The following ENPEP variants were observed in gnomAD, a reference collection of about 807,000 sequenced individuals.
ENPEP encodes AP-A.
ENPEP carries 103 observed loss-of-function variants against 114.5 expected under a neutral mutation model. The ratio of observed to expected loss-of-function variants is 0.90; its 90% CI spans 0.77 to 1.06. The LOEUF (loss-of-function observed/expected upper bound fraction) is 1.06. Among genes scored for constraint, ENPEP ranks in the 50% least tolerant of loss-of-function variants. The pLI is 0.00. For synonymous variants in ENPEP, 420 were observed against 422.0 expected (o/e 1.00, Z 0.06); for missense variants, 1,196 against 1,161.3 (o/e 1.03, Z -0.43).
intron 19 of ENPEP, among the ~76,000 whole-genome samples, chr4:110,559,951 A>G (rs1009455460): frequency 6.7e-6 from 1 of 150,040 alleles, no homozygotes; most frequent in African/African-American, 2.5e-5. Context: ...CTTTCTCCCC[A>G]CCCCCTGACA....
chr4:110,548,139 GTTTTTTTTTTTT>G lies in ENPEP; in HGVS notation c.2001-23_2001-12del, dbSNP rs3042468. On this transcript the variant is annotated intron_variant, in intron 13 of 19. Transcript: ENST00000265162. Reference sequence around the variant, plus strand: ...GTCTGTGGTTTTTAATTAACTGTGAGTTTTTTTTTTTTTTTTTTTTTTTTTGTCTTTCTCAGA... The same window carrying G: ...GTCTGTGGTTTTTAATTAACTGTGAGTTTTTTTTTTTTTGTCTTTCTCAGA... 540 of 692,078 alleles carry G rather than the reference GTTTTTTTTTTTT, an allele frequency of 7.8e-4. 2 individuals carry two copies. Among genetic ancestry groups the G allele is most frequent in the African/African-American group, 1.5e-3 (60 of 41,150 alleles). The allele number at this position is 692,078 out of a possible 1,614,324, so 42.9% of individuals were successfully genotyped here.
In ENPEP at chr4:110,520,334, A is replaced by G. The variant is rs772660336; in HGVS notation, c.1695A>G (p.Arg565=). Residue 565 remains arginine (R), a synonymous_variant, in exon 10 of 20, where the codon AGA becomes AGG. Transcript: ENST00000265162. ...AGAAACGCTTTTTGTTGGACCCAAG[A>G]GCTAACCCTTCTCAGCCCCCTTCAG... The part of the protein sequence containing the change: ...ITQKRFLLDP[R]ANPSQPPSDL... 8.7e-6 allele frequency: 14 copies of G among 1,614,108 alleles called. No homozygotes were observed. The South Asian group carries it at 1.2e-4, about 14-fold the overall frequency.
intron 1 of ENPEP, among the ~76,000 whole-genome samples, chr4:110,488,269 G>T (rs770954283): frequency 6.6e-6 from 1 of 152,172 alleles, no homozygotes; most frequent in Non-Finnish European, 1.5e-5. Context: ...TAGCTGTTAG[G>T]TTGATGCAAA....
At chr4:110,533,292 A>G (rs1726474387) in intron 11 of ENPEP, 1 of 238,360 alleles carries the variant, frequency 4.2e-6, no homozygotes, top group African/African-American at 2.2e-5. Context: ...ACATTGTTCT[A>G]ATATGTGTTA....
At chr4:110,559,834 G>A in intron 19 of ENPEP, 109 bp downstream of exon 19, 2 of 837,212 alleles carry the variant, frequency 2.4e-6, no homozygotes, top group Non-Finnish European at 3.9e-6. Context: ...GTGCAGGTTT[G>A]TTACGTAGGT....
At chr4:110,489,937 A>T (rs1724641115) in intron 2 of ENPEP, among the ~76,000 whole-genome samples, 1 of 152,236 alleles carries the variant, frequency 6.6e-6, no homozygotes, top group South Asian at 2.1e-4. Context: ...ACTTAAGAGG[A>T]TTAAAATATA....
chr4:110,522,735 C>A (rs932809526), intron 10 of ENPEP, among the ~76,000 whole-genome samples: 1 of 152,142 alleles, frequency 6.6e-6, no homozygotes, highest in Admixed American at 6.5e-5. Context: ...TTCCAAAACA[C>A]TGAAGCAAAA....
chr4:110,522,667 G>C (rs1202545980), intron 10 of ENPEP, among the ~76,000 whole-genome samples: 1 of 152,186 alleles, frequency 6.6e-6, no homozygotes, highest in Non-Finnish European at 1.5e-5. Context: ...ACATAAGTTA[G>C]TGTGGCATTA....
intron 11 of ENPEP, among the ~76,000 whole-genome samples, chr4:110,542,462 A>G (rs1726885176): frequency 6.6e-6 from 1 of 152,116 alleles, no homozygotes; most frequent in Admixed American, 6.6e-5. Context: ...GACCAGCACG[A>G]AATTATTTCG....
intron 3 of ENPEP, chr4:110,500,005 C>T (rs1725092619): frequency 6.6e-6 from 1 of 152,070 alleles, no homozygotes; most frequent in South Asian, 2.1e-4. Context: ...TATCGCTGAG[C>T]TTTGTGCTTG....
At chr4:110,491,592 AT>A (rs1724724014) in intron 3 of ENPEP, among the ~76,000 whole-genome samples, 1 of 152,230 alleles carries the variant, frequency 6.6e-6, no homozygotes, top group Admixed American at 6.5e-5. Context: ...TTATGGCTCC[AT>A]TCCTATATGT....
chr4:110,539,703 T>A (rs1726780037), intron 11 of ENPEP, among the ~76,000 whole-genome samples: 1 of 152,122 alleles, frequency 6.6e-6, no homozygotes, highest in South Asian at 2.1e-4. Flanking sequence ...GCTCTTTTAC[T>A]ATCAAATGAT....
intron 1 of ENPEP, among the ~76,000 whole-genome samples, chr4:110,485,663 T>A (rs192667187): frequency 6.6e-6 from 1 of 152,242 alleles, no homozygotes; most frequent in Non-Finnish European, 1.5e-5. Flanking sequence ...CTTAGTGTCA[T>A]GCCCTTTTAG....
chr4:110,549,747 C>T lies in ENPEP; in HGVS notation c.2362C>T (p.Arg788Trp), dbSNP rs765435416. The change falls in exon 17 of 20, where the codon CGG becomes TGG. Residue 788 changes from arginine (R) to tryptophan (W), a missense_variant. Arg to Trp is a moderately radical substitution (Grantham distance 101). Coordinates refer to ENST00000265162, the MANE Select transcript of ENPEP (RefSeq NM_001977.4). ...CGTAAATCTCAGGCTTCTGGTGTAT[C>T]GGTATGGGATGCAGAACTCTGGCAA... Reference protein sequence around the residue: ...LPVNLRLLVYRYGMQNSGNEI... With the variant: ...LPVNLRLLVYWYGMQNSGNEI... 2.9e-5 allele frequency: 47 copies of T among 1,613,092 alleles called. No homozygotes were observed. The highest frequency in any genetic ancestry group is 3.4e-5 in the Non-Finnish European group (40 of 1,179,552).
Position 110,523,216 on chromosome 4 carries a change from A to G in ENPEP, c.1727+2850A>G, listed in dbSNP as rs146187124. ...AAAAAACCCAAATCAAAGACTATAT[A>G]TAAAAATTATGATCCAAAAATATGA... On this transcript the variant is annotated intron_variant, in intron 10 of 19. Coordinates refer to ENST00000265162, the MANE Select transcript of ENPEP (RefSeq NM_001977.4). Among the ~76,000 whole-genome samples, 845 of 152,314 alleles carry G rather than the reference A, an allele frequency of 5.5e-3. 5 individuals carry two copies. The highest frequency in any genetic ancestry group is 0.019 in the African/African-American group (779 of 41,554).
chr4:110,483,854 A>G (rs1223106211), intron 1 of ENPEP, among the ~76,000 whole-genome samples: 4 of 152,198 alleles, frequency 2.6e-5, no homozygotes, highest in Non-Finnish European at 5.9e-5. Flanking sequence ...GTTGTGATCT[A>G]GAATTGTTTT....
At chr4:110,520,422 A>G in intron 10 of ENPEP, 56 bp downstream of exon 10, 1 of 1,550,646 alleles carries the variant, frequency 6.4e-7, no homozygotes, top group Non-Finnish European at 8.9e-7. Context: ...AATATTGGTA[A>G]TTTGTTTATA....
At position 110,520,306 on chromosome 4, in the gene ENPEP, C is replaced by T; in HGVS notation, c.1667C>T (p.Thr556Ile). 6.2e-7 allele frequency: 1 copy of T among 1,614,052 alleles called. No individual in the cohort carries two copies. Among genetic ancestry groups the T allele is most frequent in the Non-Finnish European group, 8.5e-7 (1 of 1,179,966 alleles). Residue 556 changes from threonine to isoleucine, a missense_variant, in exon 10 of 20, where the codon ACA becomes ATA. Physicochemically the swap from Thr to Ile is moderately conservative, Grantham distance 89 (BLOSUM62 -1). Coordinates refer to ENST00000265162, the MANE Select transcript of ENPEP (RefSeq NM_001977.4). Reference protein sequence around the residue: ...VLNVNGVKNITQKRFLLDPRA... With the variant: ...VLNVNGVKNIIQKRFLLDPRA... ...AACGTGAACGGTGTCAAGAACATCACACAGAAACGCTTTTTGTTGGACCCA... is the reference window on the plus strand; with the variant it reads ...AACGTGAACGGTGTCAAGAACATCATACAGAAACGCTTTTTGTTGGACCCA...
Position 110,562,185 on chromosome 4 carries a change from A to G in ENPEP, c.*627A>G, listed in dbSNP as rs1309893482. ...AAGAGAACTCTCCTCTTTTTTTAAA[A>G]ATAAATCTAAATGATTATCTTGAAA... On this transcript the variant is annotated 3_prime_UTR_variant, in exon 20 of 20. Coordinates refer to ENST00000265162, the MANE Select transcript of ENPEP (RefSeq NM_001977.4). 2 of 152,200 alleles carry G rather than the reference A, an allele frequency of 1.3e-5. No individual in the cohort carries two copies. Among genetic ancestry groups the G allele is most frequent in the African/African-American group, 2.4e-5 (1 of 41,452 alleles). The allele number at this position is 152,200 out of a possible 1,614,324, so 9.4% of individuals were successfully genotyped here. A position where few individuals can be genotyped will look rare whatever the true frequency, so the allele number is the denominator to read the frequency against.
Sources: gnomAD v4.1 joint callset for allele counts (sites outside exome capture counted in the v4.1 genomes callset) on GRCh38, gnomAD v4.1.1 for gene constraint, MANE v1.5 for transcripts, NCBI Gene and HGNC (gene_info 2026-07-23, HGNC 2026-07-21) for gene names.